Variants in TMEM178B observed in about 807,000 individuals in gnomAD.
The protein encoded by TMEM178B is transmembrane protein 178B.
TMEM178B carries 5 observed loss-of-function variants against 31.0 expected under a neutral mutation model. The ratio of observed to expected loss-of-function variants is 0.16; its 90% CI spans 0.08 to 0.34. The LOEUF is 0.34. Among genes scored for constraint, TMEM178B ranks in the 10% least tolerant of loss-of-function variants. The pLI is 1.00. For synonymous variants in TMEM178B, 164 were observed against 164.0 expected, an observed-to-expected ratio of 1.00 and a Z score of 0.00; for missense variants, 275 against 400.3, an observed-to-expected ratio of 0.69 and a Z score of 2.67.
chr7:141,244,401 G>A (rs1189690204), intron 2 of TMEM178B, among the ~76,000 whole-genome samples: 1 of 152,222 alleles, frequency 6.6e-6, no homozygotes, highest in Admixed American at 6.5e-5. Context: ...CTATGACTGG[G>A]ATAACTGGAG....
At chr7:141,175,518 T>C (rs1796419300) in intron 1 of TMEM178B, among the ~76,000 whole-genome samples, 1 of 152,216 alleles carries the variant, frequency 6.6e-6, no homozygotes. Context: ...GGTGGCTTGA[T>C]TGGGATAGCA....
intron 1 of TMEM178B, among the ~76,000 whole-genome samples, chr7:141,136,977 G>A (rs1476362190): frequency 6.6e-6 from 1 of 152,130 alleles, no homozygotes; most frequent in South Asian, 2.1e-4. Flanking sequence ...AATCATCAGG[G>A]AAATGCAAAT....
rs569107459 is a variant in TMEM178B, at chr7:141,430,806, A to T, written c.497-6802A>T. On this transcript the variant is annotated intron_variant, in intron 2 of 3. Coordinates refer to ENST00000565468, the MANE Select transcript of TMEM178B (RefSeq NM_001195278.2). The stretch of plus-strand genomic sequence containing the variant: ...CCCAGACCGACTGATCCTTTAGGAC[A>T]AAAACACTTGAGTTCTGCCCTCACC... 8.0e-4 allele frequency among the ~76,000 whole-genome samples: 121 copies of T among 152,168 alleles called. 1 individual carries two copies. The highest frequency in any genetic ancestry group is 1.3e-3 in the Non-Finnish European group (87 of 68,022).
intron 2 of TMEM178B, among the ~76,000 whole-genome samples, chr7:141,238,040 A>G (rs1172891530): frequency 2.7e-5 from 4 of 150,514 alleles, no homozygotes; most frequent in African/African-American, 4.9e-5. Flanking sequence ...AAAAAAAAAA[A>G]AGGAAATTAA....
chr7:141,487,516 G>T, the TMEM178B span, among the ~76,000 whole-genome samples: 1 of 151,948 alleles, frequency 6.6e-6, no homozygotes, highest in Non-Finnish European at 1.5e-5. Flanking sequence ...GAGGCAGGCA[G>T]ATCACTTGAG....
intron 2 of TMEM178B, among the ~76,000 whole-genome samples, chr7:141,437,306 A>G (rs1043221250): frequency 9.9e-5 from 15 of 152,234 alleles, no homozygotes; most frequent in Non-Finnish European, 7.3e-5. Context: ...TGAGATAGAT[A>G]TATAGCTAGG....
chr7:141,317,131 CTT>C (rs1799019197), intron 2 of TMEM178B, among the ~76,000 whole-genome samples: 1 of 152,110 alleles, frequency 6.6e-6, no homozygotes, highest in African/African-American at 2.4e-5. Context: ...TGTCTTGAAA[CTT>C]TGCTGTATTG....
intron 2 of TMEM178B, among the ~76,000 whole-genome samples, chr7:141,277,702 G>A (rs1483587822): frequency 6.6e-6 from 1 of 152,098 alleles, no homozygotes; most frequent in Non-Finnish European, 1.5e-5. Context: ...ATGTCGTTTT[G>A]CAGCTCGTGA....
chr7:141,438,184 C>T (rs1401821150), intron 3 of TMEM178B, among the ~76,000 whole-genome samples: 1 of 152,120 alleles, frequency 6.6e-6, no homozygotes, highest in Non-Finnish European at 1.5e-5. Flanking sequence ...TCACCTCTGA[C>T]TTATGGATCC....
intron 2 of TMEM178B, among the ~76,000 whole-genome samples, chr7:141,252,012 A>G (rs1236720204): frequency 1.3e-5 from 2 of 152,222 alleles, no homozygotes; most frequent in African/African-American, 4.8e-5. Context: ...TAAGGCTTAA[A>G]AAGTTGCAAT....
At chr7:141,454,491 C>G (rs1299885264) in intron 3 of TMEM178B, among the ~76,000 whole-genome samples, 1 of 152,106 alleles carries the variant, frequency 6.6e-6, no homozygotes, top group East Asian at 1.9e-4. Flanking sequence ...GCCCAAGACC[C>G]AGGCCAGCTT....
chr7:141,367,262 C>T (rs1800025917), intron 2 of TMEM178B, among the ~76,000 whole-genome samples: 1 of 151,746 alleles, frequency 6.6e-6, no homozygotes, highest in South Asian at 2.1e-4. Context: ...ACTGGTTCAG[C>T]AATTACCTTT....
chr7:141,160,168 C>T (rs956520452), intron 1 of TMEM178B, among the ~76,000 whole-genome samples: 7 of 151,806 alleles, frequency 4.6e-5, no homozygotes, highest in Non-Finnish European at 1.0e-4. Context: ...GAGCAGTGTA[C>T]GCTGTACCCA....
chr7:141,363,301 A>G (rs1799948630), intron 2 of TMEM178B, among the ~76,000 whole-genome samples: 2 of 152,238 alleles, frequency 1.3e-5, no homozygotes, highest in Admixed American at 6.5e-5. Context: ...TATTTTGAGC[A>G]AAATACATCA....
At chr7:141,075,528 A>G (rs1004881971) in intron 1 of TMEM178B, among the ~76,000 whole-genome samples, 3 of 152,272 alleles carry the variant, frequency 2.0e-5, no homozygotes, top group African/African-American at 7.2e-5. Flanking sequence ...AATTCTGCTT[A>G]TCGGATGGAA....
chr7:141,296,028 C>T (rs1798626395), intron 2 of TMEM178B, among the ~76,000 whole-genome samples: 1 of 152,004 alleles, frequency 6.6e-6, no homozygotes, highest in African/African-American at 2.4e-5. Context: ...AAATTAAATG[C>T]AACAAAACCC....
chr7:141,076,730 AATGGAC>A (rs1361443612), intron 1 of TMEM178B, among the ~76,000 whole-genome samples: 1 of 152,212 alleles, frequency 6.6e-6, no homozygotes, highest in Non-Finnish European at 1.5e-5. Flanking sequence ...AGCAACAGAA[AATGGAC>A]ATGGCACAGC....
At chr7:141,448,415 C>G (rs1248040118) in intron 3 of TMEM178B, among the ~76,000 whole-genome samples, 1 of 152,096 alleles carries the variant, frequency 6.6e-6, no homozygotes, top group Non-Finnish European at 1.5e-5. Context: ...GTGGCAACAG[C>G]AAGGTGAAGA....
At chr7:141,494,444 A>C in the TMEM178B span, among the ~76,000 whole-genome samples, 1 of 152,238 alleles carries the variant, frequency 6.6e-6, no homozygotes, top group Non-Finnish European at 1.5e-5. Flanking sequence ...GAGGCAATGA[A>C]GTCAGAGGAG....
Sources: gnomAD v4.1 joint callset for allele counts (sites outside exome capture counted in the v4.1 genomes callset) on GRCh38, gnomAD v4.1.1 for gene constraint, MANE v1.5 for transcripts, NCBI Gene and HGNC (gene_info 2026-07-23, HGNC 2026-07-21) for gene names.